The following ZNF385D variants were observed in gnomAD, a reference collection of about 807,000 sequenced individuals.
ZNF385D encodes zinc finger protein 659.
In ZNF385D, 15 loss-of-function variants were observed where a neutral mutation model predicts 35.8. That is an observed-to-expected ratio of 0.42 (90% CI 0.28 to 0.64). The LOEUF is 0.64. Among genes scored for constraint, ZNF385D ranks in the 30% least tolerant of loss-of-function variants. The pLI is 0.23. For synonymous variants in ZNF385D, 212 were observed against 186.8 expected (o/e 1.13, Z -1.10); for missense variants, 474 against 494.6 (o/e 0.96, Z 0.39).
intron 2 of ZNF385D, among the ~76,000 whole-genome samples, chr3:22,235,483 T>C (rs997140184): frequency 2.0e-5 from 3 of 152,060 alleles, no homozygotes; most frequent in African/African-American, 7.2e-5. Context: ...GAATCTTCAG[T>C]GTGTCCAAAA....
At chr3:22,104,629 G>T (rs543856561) in intron 3 of ZNF385D, among the ~76,000 whole-genome samples, 1 of 150,968 alleles carries the variant, frequency 6.6e-6, no homozygotes, top group Non-Finnish European at 1.5e-5. Flanking sequence ...ACATAAAAAC[G>T]ACAACAGGCA....
chr3:21,546,765 A>G (rs561609283), intron 3 of ZNF385D, among the ~76,000 whole-genome samples: 5 of 152,034 alleles, frequency 3.3e-5, no homozygotes, highest in Non-Finnish European at 7.4e-5. Context: ...AATGAGGTCT[A>G]GGGAACTCCA....
At chr3:21,988,762 C>A (rs1213394532) in intron 3 of ZNF385D, among the ~76,000 whole-genome samples, 2 of 151,834 alleles carry the variant, frequency 1.3e-5, no homozygotes, top group Non-Finnish European at 2.9e-5. Context: ...GCGCCCCTCC[C>A]CCAGCCTCGC....
chr3:21,679,704 G>A (rs1469291679), intron 1 of ZNF385D, among the ~76,000 whole-genome samples: 2 of 152,026 alleles, frequency 1.3e-5, no homozygotes, highest in East Asian at 1.9e-4. Flanking sequence ...AGGGATGGAA[G>A]GAAGGAGGTT....
intron 2 of ZNF385D, among the ~76,000 whole-genome samples, chr3:22,231,353 A>G (rs1343952184): frequency 6.6e-6 from 1 of 152,036 alleles, no homozygotes; most frequent in Non-Finnish European, 1.5e-5. Context: ...TACTGTCCCC[A>G]GTGAGAGAGA....
chr3:21,817,107 G>C (rs1489393068), intron 3 of ZNF385D, among the ~76,000 whole-genome samples: 2 of 152,246 alleles, frequency 1.3e-5, no homozygotes, highest in Admixed American at 1.3e-4. Flanking sequence ...TTAATAAATG[G>C]TGCTGGGAAA....
intron 3 of ZNF385D, among the ~76,000 whole-genome samples, chr3:21,770,502 T>C (rs1406743443): frequency 6.6e-6 from 1 of 152,170 alleles, no homozygotes; most frequent in African/African-American, 2.4e-5. Context: ...TCACCATCAC[T>C]GGCCATCAGA....
chr3:21,760,158 T>C (rs1368999335), intron 3 of ZNF385D, among the ~76,000 whole-genome samples: 1 of 152,224 alleles, frequency 6.6e-6, no homozygotes, highest in African/African-American at 2.4e-5. Context: ...TAAAGGCTCA[T>C]CTCTGATCCT....
At chr3:21,834,738 C>A (rs566035937) in intron 3 of ZNF385D, among the ~76,000 whole-genome samples, 1 of 150,046 alleles carries the variant, frequency 6.7e-6, no homozygotes, top group South Asian at 2.1e-4. Context: ...GTAATCCCCA[C>A]GTGTCGACAG....
chr3:21,964,396 C>A, intron 3 of ZNF385D, among the ~76,000 whole-genome samples: 1 of 104,288 alleles, frequency 9.6e-6, no homozygotes, highest in African/African-American at 3.6e-5. Context: ...ACTGGCTCTA[C>A]AGTTGGTCCT....
intron 3 of ZNF385D, among the ~76,000 whole-genome samples, chr3:21,809,661 T>TATACACATATAC (rs141460647): frequency 0.41 from 60,044 of 148,040 alleles, 12,459 homozygotes; most frequent in African/African-American, 0.49. Context: ...CATATACATA[T>TATACACATATAC]ATACACATAT....
intron 3 of ZNF385D, among the ~76,000 whole-genome samples, chr3:21,825,210 T>C (rs1204668024): frequency 6.6e-6 from 1 of 152,168 alleles, no homozygotes; most frequent in Non-Finnish European, 1.5e-5. Flanking sequence ...CAAACAGTGT[T>C]CTAAAATGAC....
chr3:22,097,220 A>G (rs1235871693), intron 3 of ZNF385D, among the ~76,000 whole-genome samples: 2 of 152,096 alleles, frequency 1.3e-5, no homozygotes, highest in Non-Finnish European at 2.9e-5. Context: ...TTTTTATTTT[A>G]TATCAATACA....
intron 2 of ZNF385D, among the ~76,000 whole-genome samples, chr3:22,326,354 G>C (rs1559521441): frequency 6.6e-6 from 1 of 152,156 alleles, no homozygotes; most frequent in Non-Finnish European, 1.5e-5. Flanking sequence ...CAAAATCCCA[G>C]GTAGAGAAGA....
intron 3 of ZNF385D, among the ~76,000 whole-genome samples, chr3:22,000,458 G>T (rs964014133): frequency 6.6e-6 from 1 of 152,166 alleles, no homozygotes; most frequent in Non-Finnish European, 1.5e-5. Flanking sequence ...AAAAGGGGAG[G>T]CATGAATAAT....
intron 2 of ZNF385D, among the ~76,000 whole-genome samples, chr3:22,344,698 A>C (rs1695577925): frequency 6.6e-6 from 1 of 152,168 alleles, no homozygotes; most frequent in Admixed American, 6.5e-5. Context: ...CTAGGACTAC[A>C]GGCATGAGCC....
chr3:21,801,651 G>A (rs1271511110), intron 3 of ZNF385D, among the ~76,000 whole-genome samples: 1 of 152,100 alleles, frequency 6.6e-6, no homozygotes, highest in Non-Finnish European at 1.5e-5. Context: ...AAACTACAAA[G>A]GAATAAAATG....
intron 4 of ZNF385D, among the ~76,000 whole-genome samples, chr3:21,438,848 T>C (rs1305160567): frequency 6.6e-6 from 1 of 152,168 alleles, no homozygotes; most frequent in Admixed American, 6.5e-5. Flanking sequence ...ATACATTTAT[T>C]CCCTTGCACA....
At chr3:21,751,306 A>C, upstream of ZNF385D, 3 of 1,057,108 alleles carry the variant, frequency 2.8e-6, no homozygotes, top group Admixed American at 5.5e-5. Flanking sequence ...TGGACCAACC[A>C]TGGCTCTCGG....
Sources: gnomAD v4.1 joint callset for allele counts (sites outside exome capture counted in the v4.1 genomes callset) on GRCh38, gnomAD v4.1.1 for gene constraint, MANE v1.5 for transcripts, NCBI Gene and HGNC (gene_info 2026-07-23, HGNC 2026-07-21) for gene names.